The following CCDC69 variants were observed in gnomAD, a reference collection of about 807,000 sequenced individuals.
CCDC69 encodes the protein coiled-coil domain containing 69.
CCDC69 carries 38 observed loss-of-function variants against 40.3 expected under a neutral mutation model. The ratio of observed to expected loss-of-function variants is 0.94; its 90% CI spans 0.73 to 1.24. The LOEUF is 1.24. Ranked by LOEUF, CCDC69 falls within the 50% of genes most tolerant of loss-of-function variation. The pLI, the probability that CCDC69 is intolerant of heterozygous loss-of-function variation, is 0.00. For missense variants in CCDC69, 389 were observed against 357.9 expected, an observed-to-expected ratio of 1.09 and a Z score of -0.70; for synonymous variants, 141 against 138.9, an observed-to-expected ratio of 1.02 and a Z score of -0.11.
At chr5:151,210,513 CA>C (rs1196345753) in intron 1 of CCDC69, 1 of 151,950 alleles carries the variant, frequency 6.6e-6, no homozygotes, top group African/African-American at 2.4e-5. Flanking sequence ...CACTGCACTC[CA>C]GTCTGGGCGA....
In CCDC69 at chr5:151,183,293, A is replaced by C. The variant is rs1415084435; in HGVS notation, c.*144T>G. 2 of 944,576 alleles carry C rather than the reference A, an allele frequency of 2.1e-6. No homozygotes were observed. The highest frequency in any genetic ancestry group is 2.8e-5 in the South Asian group (2 of 71,322). The allele number at this position is 944,576 out of a possible 1,614,324, so 58.5% of individuals were successfully genotyped here. ...CATGTAACTCAAGGCCCCAGGGCTCACTGGGCACACACCCAGGATCTCCAT... is the reference window on the plus strand; with the variant it reads ...CATGTAACTCAAGGCCCCAGGGCTCCCTGGGCACACACCCAGGATCTCCAT... On this transcript the variant is annotated 3_prime_UTR_variant, in exon 9 of 9. Transcript: ENST00000355417.
chr5:151,212,771 G>A, intron 1 of CCDC69: 1 of 456,068 alleles, frequency 2.2e-6, no homozygotes, highest in Non-Finnish European at 4.4e-6. Context: ...GGAATGTCAT[G>A]GGTAGAAGCT....
chr5:151,190,265 A>G (rs1031152470), intron 4 of CCDC69, among the ~76,000 whole-genome samples: 1 of 152,266 alleles, frequency 6.6e-6, no homozygotes, highest in Non-Finnish European at 1.5e-5. Context: ...CTGATGGGGC[A>G]TTAGATGTAT....
intron 1 of CCDC69, among the ~76,000 whole-genome samples, chr5:151,209,386 C>T (rs766794792): frequency 3.3e-5 from 5 of 152,220 alleles, no homozygotes; most frequent in Non-Finnish European, 7.3e-5. Context: ...TGAAATGCTG[C>T]CTTCTTTCAG....
chr5:151,188,067 G>A (rs1375189491), intron 4 of CCDC69, among the ~76,000 whole-genome samples: 2 of 152,222 alleles, frequency 1.3e-5, no homozygotes, highest in Non-Finnish European at 2.9e-5. Context: ...AGAAGGACGT[G>A]CAAGGGCTTC....
At chr5:151,185,328 C>T in intron 7 of CCDC69, 94 bp downstream of exon 7, 1 of 1,443,966 alleles carries the variant, frequency 6.9e-7, no homozygotes, top group Non-Finnish European at 9.5e-7. Context: ...GCTGGGACCT[C>T]CTCAAACCAC....
intron 1 of CCDC69, chr5:151,215,747 T>C: frequency 3.3e-6 from 1 of 303,700 alleles, no homozygotes; most frequent in East Asian, 9.7e-5. Flanking sequence ...ATGCTCCTAA[T>C]TCTACAGTAG....
intron 1 of CCDC69, among the ~76,000 whole-genome samples, chr5:151,213,757 A>C (rs571044442): frequency 6.6e-6 from 1 of 152,302 alleles, no homozygotes; most frequent in South Asian, 2.1e-4. Context: ...TCAGCCTTCA[A>C]GGCTTGTGTA....
intron 8 of CCDC69, among the ~76,000 whole-genome samples, 197 bp from the exon 9 acceptor site, chr5:151,183,811 T>C (rs956992452): frequency 6.6e-6 from 1 of 152,250 alleles, no homozygotes; most frequent in African/African-American, 2.4e-5. Flanking sequence ...AGGCAGGCAG[T>C]TCTGAGCTGC....
chr5:151,213,072 G>A (rs1156888715), intron 1 of CCDC69, among the ~76,000 whole-genome samples: 1 of 152,114 alleles, frequency 6.6e-6, no homozygotes, highest in Non-Finnish European at 1.5e-5. Context: ...GCAAGTGAAA[G>A]CCTCTGGTAA....
intron 7 of CCDC69, chr5:151,184,976 C>CT (rs1417505319): frequency 4.5e-5 from 7 of 156,216 alleles, no homozygotes; most frequent in South Asian, 3.9e-4. Flanking sequence ...GCCTGTAAGA[C>CT]TTTTTTTTTA....
In CCDC69 at chr5:151,221,637, T is replaced by G. The variant is rs371553490; in HGVS notation, c.48+2286A>C. ...GGCTGTGTGACTTTGGACCCATCGTTCCTCACTGAGCCTCAGTTTCCCCGG... is the reference window on the plus strand; with the variant it reads ...GGCTGTGTGACTTTGGACCCATCGTGCCTCACTGAGCCTCAGTTTCCCCGG... On this transcript the variant is annotated intron_variant, in intron 1 of 8. Transcript: ENST00000355417. Among the ~76,000 whole-genome samples the G allele has an allele frequency of 6.6e-4, 100 of 152,382 alleles. 1 individual carries two copies. The highest frequency in any genetic ancestry group is 2.3e-3 in the African/African-American group (96 of 41,590).
In CCDC69 at chr5:151,205,258, C is replaced by T. The variant is rs1443192533; in HGVS notation, c.124+142G>A. ...ACAGGTCAGGACTATTAATTACCTC[C>T]CTGATTTTAGACACGATACTCCTAT... On this transcript the variant is annotated intron_variant, in intron 2 of 8. Transcript: ENST00000355417. 9 of 726,796 alleles carry T rather than the reference C, an allele frequency of 1.2e-5. No individual in the cohort carries two copies. In the Admixed American group the frequency reaches 1.5e-4, roughly 12 times the overall value. 45.0% of individuals were successfully genotyped at this position (726,796 alleles called of 1,614,324 possible).
At chr5:151,197,804 A>G (rs1415799400) in intron 4 of CCDC69, among the ~76,000 whole-genome samples, 1 of 152,230 alleles carries the variant, frequency 6.6e-6, no homozygotes, top group African/African-American at 2.4e-5. Context: ...GTTATAGACA[A>G]TGAGAAAAAT....
chr5:151,203,297 G>T (rs1752801338), intron 2 of CCDC69, among the ~76,000 whole-genome samples: 1 of 151,794 alleles, frequency 6.6e-6, no homozygotes. Context: ...ATCACTTAAG[G>T]TCAGGAGTTC....
intron 8 of CCDC69, 79 bp from the exon 9 acceptor site, chr5:151,183,693 T>C (rs1766678635): frequency 2.3e-6 from 3 of 1,317,986 alleles, no homozygotes; most frequent in Non-Finnish European, 3.1e-6. Context: ...CAGGAAGCCT[T>C]CCTTAGATGG....
chr5:151,188,438 C>G (rs1296955582), intron 4 of CCDC69, among the ~76,000 whole-genome samples: 1 of 152,068 alleles, frequency 6.6e-6, no homozygotes, highest in Non-Finnish European at 1.5e-5. Flanking sequence ...AACTCTGTCT[C>G]TACTAAAAAT....
intron 1 of CCDC69, among the ~76,000 whole-genome samples, chr5:151,206,399 A>G (rs764464413): frequency 6.6e-6 from 1 of 152,040 alleles, no homozygotes; most frequent in Non-Finnish European, 1.5e-5. Context: ...ACTATTGACC[A>G]TTGGTGATCA....
intron 2 of CCDC69, among the ~76,000 whole-genome samples, chr5:151,202,005 A>G (rs1287080949): frequency 6.6e-6 from 1 of 152,170 alleles, no homozygotes; most frequent in African/African-American, 2.4e-5. Context: ...CTTTCAAGGA[A>G]TAAGCCAATG....
Sources: gnomAD v4.1 joint callset for allele counts (sites outside exome capture counted in the v4.1 genomes callset) on GRCh38, gnomAD v4.1.1 for gene constraint, MANE v1.5 for transcripts, NCBI Gene and HGNC (gene_info 2026-07-23, HGNC 2026-07-21) for gene names.